The following MYH14 variants were observed in gnomAD, a reference collection of about 807,000 sequenced individuals.
The protein encoded by MYH14 is myosin-14.
A neutral mutation model predicts 255.5 loss-of-function variants in MYH14; 123 were observed. The ratio of observed to expected loss-of-function variants is 0.48; its 90% CI spans 0.42 to 0.56. The LOEUF is 0.56. Ranked by LOEUF, MYH14 falls within the 20% of genes least tolerant of loss-of-function variation. The pLI is 0.00. For missense variants in MYH14, 2,423 were observed against 2,802.3 expected (o/e 0.86, Z 3.06); for synonymous variants, 1,095 against 1,161.2 (o/e 0.94, Z 1.16).
chr19:50,233,260 C>T (rs2033496208), intron 10 of MYH14, among the ~76,000 whole-genome samples: 1 of 152,066 alleles, frequency 6.6e-6, no homozygotes, highest in African/African-American at 2.4e-5. Flanking sequence ...ACCTCTGCCT[C>T]CTGTGTTCAA....
intron 20 of MYH14, 41 bp downstream of exon 20, chr19:50,260,756 T>TGTGCGCGCGTGCATGA (rs1555768394): frequency 1.5e-5 from 22 of 1,470,046 alleles, no homozygotes; most frequent in Non-Finnish European, 2.0e-5. Context: ...TGCGTGTGTG[T>TGTGCGCGCGTGCATGA]GTGTGCGTGC....
intron 10 of MYH14, among the ~76,000 whole-genome samples, chr19:50,232,894 G>A (rs997642737): frequency 6.6e-6 from 1 of 152,108 alleles, no homozygotes; most frequent in African/African-American, 2.4e-5. Flanking sequence ...AGCCTAGGAG[G>A]TTGGGACTTT....
intron 37 of MYH14, 66 bp downstream of exon 37, chr19:50,292,455 T>A: frequency 7.7e-7 from 1 of 1,302,528 alleles, no homozygotes; most frequent in Non-Finnish European, 1.0e-6. Context: ...AACCTTGAGG[T>A]CCCTGGATGT....
intron 11 of MYH14, among the ~76,000 whole-genome samples, chr19:50,245,886 C>T (rs11879722): frequency 9.2e-4 from 139 of 151,214 alleles, no homozygotes; most frequent in African/African-American, 3.1e-3. Context: ...TGAATGCTTT[C>T]GGGATAACTT....
At chr19:50,235,140 C>CACT in intron 10 of MYH14, among the ~76,000 whole-genome samples, 1 of 151,826 alleles carries the variant, frequency 6.6e-6, no homozygotes, top group South Asian at 2.1e-4. Context: ...GGGAGGCCGA[C>CACT]TGAGGTCAGG....
intron 10 of MYH14, among the ~76,000 whole-genome samples, chr19:50,237,899 G>C (rs531659385): frequency 8.6e-5 from 13 of 151,758 alleles, no homozygotes; most frequent in African/African-American, 2.9e-4. Context: ...GGGGTGTCCT[G>C]TCCTAGGACT....
At chr19:50,308,685 A>G in intron 41 of MYH14, 1 of 324,632 alleles carries the variant, frequency 3.1e-6, no homozygotes, top group Non-Finnish European at 5.7e-6. Context: ...CTGGAATGCC[A>G]GGCTGAGGGG....
chr19:50,276,971 G>A lies in MYH14; in HGVS notation c.3825+70G>A. On this transcript the variant is annotated intron_variant, in intron 29 of 42. Coordinates refer to ENST00000642316, the MANE Select transcript of MYH14 (RefSeq NM_001145809.2). This position sits in a 1 kb window ranked among gnomAD's most constrained non-coding sequence, Gnocchi z 4.3. ...CAGGGCAGGACGCGGGGTTGGAGGAGGTACCGCTGGCTGGTTCTAGGCTAG... is the reference window on the plus strand; with the variant it reads ...CAGGGCAGGACGCGGGGTTGGAGGAAGTACCGCTGGCTGGTTCTAGGCTAG... 1.6e-6 allele frequency: 2 copies of A among 1,263,220 alleles called. No individual in the cohort carries two copies. Among genetic ancestry groups the A allele is most frequent in the South Asian group, 1.3e-5 (1 of 74,842 alleles). 78.3% of individuals were successfully genotyped at this position (1,263,220 alleles called of 1,614,324 possible). A position where few individuals can be genotyped will look rare whatever the true frequency, so the allele number is the denominator to read the frequency against.
In MYH14 at chr19:50,293,221, CCAT is replaced by C. The variant is rs577347072; in HGVS notation, c.5257-6_5257-4del. 81 of 1,593,062 alleles carry C rather than the reference CCAT, an allele frequency of 5.1e-5. No individual in the cohort carries two copies. The South Asian group carries it at 8.8e-4, about 17-fold the overall frequency. On this transcript the variant is annotated splice_polypyrimidine_tract_variant and intron_variant, in intron 37 of 42. Coordinates refer to ENST00000642316, the MANE Select transcript of MYH14 (RefSeq NM_001145809.2). The surrounding 1 kb of genome is among the most constrained non-coding windows in gnomAD (Gnocchi z 4.1). ...CTCCTCACACCCACCGGCCACCCCT[CCAT>C]CATCACAGGAACTGGCCGCCTCGGA...
At chr19:50,279,362 T>A (rs376093426) in intron 30 of MYH14, among the ~76,000 whole-genome samples, 72 of 152,348 alleles carry the variant, frequency 4.7e-4, no homozygotes, top group African/African-American at 1.5e-3. Flanking sequence ...CTGGGTGCAG[T>A]GGCTCATGCC....
chr19:50,215,482 A>G (rs1568465640), intron 2 of MYH14, among the ~76,000 whole-genome samples: 2 of 152,166 alleles, frequency 1.3e-5, no homozygotes, highest in Non-Finnish European at 2.9e-5. Flanking sequence ...TGTGGTGGCC[A>G]CACCCTACTG....
intron 11 of MYH14, among the ~76,000 whole-genome samples, chr19:50,245,682 G>A (rs1327671038): frequency 1.3e-5 from 2 of 152,102 alleles, no homozygotes; most frequent in African/African-American, 4.8e-5. Context: ...ATTTCTGAAA[G>A]CTGCACAGCA....
At position 50,291,014 on chromosome 19, in the gene MYH14, A is replaced by G. The variant is rs1456949233; in HGVS notation, c.5093A>G (p.Lys1698Arg). 1.2e-6 allele frequency: 2 copies of G among 1,612,944 alleles called. No individual in the cohort carries two copies. The highest frequency in any genetic ancestry group is 2.2e-5 in the South Asian group (2 of 90,714). ...CAGATGGCCTCTGCCGGCCAGGGCA[A>G]GGAGGAGGCGGTGAAGCAGCTTCGC... The part of the protein sequence containing the change: ...KAQMASAGQG[K>R]EEAVKQLRKM... The change falls in exon 36 of 43, where the codon AAG becomes AGG. Residue 1698 changes from lysine (K) to arginine (R), a missense_variant. Lys to Arg is a conservative substitution (Grantham distance 26). This residue lies in a region of MYH14 where 1,513 missense variants were observed against 1,674.8 expected (regional missense o/e 0.90). Coordinates refer to ENST00000642316, the MANE Select transcript of MYH14 (RefSeq NM_001145809.2).
chr19:50,270,010 C>T (rs928111721), intron 24 of MYH14, among the ~76,000 whole-genome samples: 13 of 152,162 alleles, frequency 8.5e-5, no homozygotes, highest in Admixed American at 2.0e-4. Context: ...CCCAGAGGTT[C>T]AAGACCAGCC....
At position 50,298,101 on chromosome 19, in the gene MYH14, C is replaced by T. The variant is rs76408634; in HGVS notation, c.5470-3560C>T. 8.2e-3 allele frequency among the ~76,000 whole-genome samples: 1,247 copies of T among 152,146 alleles called. 17 individuals carry two copies. The highest frequency in any genetic ancestry group is 0.028 in the African/African-American group (1,181 of 41,498). ...TGTCCTCTTGGGCCTTTTATGGAGACGTCACTGGATAGGTGTGATTAACAA... is the reference window on the plus strand; with the variant it reads ...TGTCCTCTTGGGCCTTTTATGGAGATGTCACTGGATAGGTGTGATTAACAA... On this transcript the variant is annotated intron_variant, in intron 39 of 42. Transcript: ENST00000642316.
chr19:50,296,652 C>T (rs932666949), intron 39 of MYH14, among the ~76,000 whole-genome samples: 1 of 152,120 alleles, frequency 6.6e-6, no homozygotes, highest in African/African-American at 2.4e-5. Context: ...GGAGCTTCTT[C>T]CGAAGTGGCT....
rs2035513991 is a variant in MYH14, at chr19:50,276,499, C to T, written c.3681-258C>T. Among the ~76,000 whole-genome samples, 1 of 152,024 alleles carries T rather than the reference C, an allele frequency of 6.6e-6. No individual in the cohort carries two copies. The highest frequency in any genetic ancestry group is 1.5e-5 in the Non-Finnish European group (1 of 67,996). ...GCACTGTGGGTGATAAGTGAAGACCCCTAAACCAAGTCTATGGGAGATCCA... is the reference window on the plus strand; with the variant it reads ...GCACTGTGGGTGATAAGTGAAGACCTCTAAACCAAGTCTATGGGAGATCCA... On this transcript the variant is annotated intron_variant, in intron 28 of 42. Transcript: ENST00000642316. The surrounding 1 kb of genome is among the most constrained non-coding windows in gnomAD (Gnocchi z 4.3).
chr19:50,298,229 C>G (rs747919506), intron 39 of MYH14, among the ~76,000 whole-genome samples: 30 of 152,166 alleles, frequency 2.0e-4, no homozygotes, highest in Non-Finnish European at 4.0e-4. Context: ...CCTTCCCCCT[C>G]TGAAATGAGG....
rs764205108 is a variant in MYH14, at chr19:50,266,419, C to T, written c.2695-458C>T. ...ACTGAAAGCACAAAAATTAGCCGGA[C>T]GTGGTGGCATACGCCTGTAATCCCA... On this transcript the variant is annotated intron_variant, in intron 22 of 42. Coordinates refer to ENST00000642316, the MANE Select transcript of MYH14 (RefSeq NM_001145809.2). This position sits in a 1 kb window ranked among gnomAD's most constrained non-coding sequence, Gnocchi z 4.1. Among the ~76,000 whole-genome samples, 1 of 152,054 alleles carries T rather than the reference C, an allele frequency of 6.6e-6. No homozygotes were observed. The highest frequency in any genetic ancestry group is 2.4e-5 in the African/African-American group (1 of 41,424).
Sources: gnomAD v4.1 joint callset for allele counts (sites outside exome capture counted in the v4.1 genomes callset) on GRCh38, gnomAD v4.1.1 for gene constraint, gnomAD v4.1.1 regional missense constraint, Gnocchi (gnomAD v3.1) non-coding constraint, MANE v1.5 for transcripts, NCBI Gene and HGNC (gene_info 2026-07-23, HGNC 2026-07-21) for gene names.